PRKACB: variants seen among roughly 807,000 people sequenced by gnomAD.
PRKACB encodes the protein cAMP-dependent protein kinase catalytic subunit beta.
Under a neutral mutation model 51.4 loss-of-function variants are expected in PRKACB, and 16 were observed. The observed-to-expected ratio is 0.31, with a 90% CI of 0.21 to 0.47. The LOEUF (loss-of-function observed/expected upper bound fraction) is 0.47, where lower values mean the gene tolerates loss of function less well. PRKACB is among the 20% of genes least tolerant of loss of function. PRKACB has a pLI of 1.00. For missense variants in PRKACB, 309 were observed against 464.5 expected (o/e 0.67, Z 3.08); for synonymous variants, 147 against 154.4 (o/e 0.95, Z 0.35).
chr1:84,211,755 C>A (rs907471025), intron 8 of PRKACB, among the ~76,000 whole-genome samples: 2 of 152,100 alleles, frequency 1.3e-5, no homozygotes, highest in Non-Finnish European at 2.9e-5. Flanking sequence ...TTCACCCCTA[C>A]CTATGAAATT....
At chr1:84,078,115 G>T, upstream of PRKACB, 1 of 469,990 alleles carries the variant, frequency 2.1e-6, no homozygotes, top group Non-Finnish European at 3.5e-6. Flanking sequence ...CGCCGCCGCC[G>T]CCGCCGCTGC....
intron 5 of PRKACB, among the ~76,000 whole-genome samples, chr1:84,195,905 T>C (rs887409942): frequency 1.8e-4 from 12 of 67,716 alleles, no homozygotes; most frequent in African/African-American, 5.3e-4. Context: ...AGAGCAAGAC[T>C]GTGTCTCAAA....
chr1:84,164,007 T>C (rs1399200630), intron 1 of PRKACB, among the ~76,000 whole-genome samples: 1 of 152,066 alleles, frequency 6.6e-6, no homozygotes, highest in South Asian at 2.1e-4. Flanking sequence ...GAATTTTACA[T>C]TTCTGCAATA....
At chr1:84,217,044 G>A (rs1463899008) in intron 9 of PRKACB, among the ~76,000 whole-genome samples, 1 of 152,184 alleles carries the variant, frequency 6.6e-6, no homozygotes, top group East Asian at 1.9e-4. Context: ...ACATTGATCT[G>A]AATCCCTGAT....
chr1:84,111,923 A>G (rs1185097454), intron 1 of PRKACB, among the ~76,000 whole-genome samples: 1 of 152,278 alleles, frequency 6.6e-6, no homozygotes, highest in African/African-American at 2.4e-5. Context: ...TATTTCTAAT[A>G]TAAGATTGGG....
intron 1 of PRKACB, among the ~76,000 whole-genome samples, chr1:84,116,801 CT>C (rs1316075984): frequency 1.3e-5 from 2 of 152,134 alleles, no homozygotes; most frequent in East Asian, 3.8e-4. Flanking sequence ...ATTTCGATGC[CT>C]TTTATTTCTT....
At chr1:84,229,179 G>C (rs1323212627) in intron 9 of PRKACB, among the ~76,000 whole-genome samples, 93 of 141,186 alleles carry the variant, frequency 6.6e-4, no homozygotes, top group African/African-American at 2.2e-3. Flanking sequence ...AGAATATGCA[G>C]TGTTTGGTTT....
chr1:84,143,649 G>A (rs1243851719), upstream of PRKACB, among the ~76,000 whole-genome samples: 1 of 152,076 alleles, frequency 6.6e-6, no homozygotes, highest in Non-Finnish European at 1.5e-5. Context: ...ATTTTAGAAT[G>A]TTTTAAAATG....
chr1:84,137,932 A>G (rs560793516), intron 1 of PRKACB, among the ~76,000 whole-genome samples: 2 of 152,194 alleles, frequency 1.3e-5, no homozygotes, highest in African/African-American at 2.4e-5. Context: ...TGCTTTGCTT[A>G]TAGACACAGT....
At chr1:84,146,742 A>G (rs999302021) in intron 1 of PRKACB, among the ~76,000 whole-genome samples, 7 of 152,016 alleles carry the variant, frequency 4.6e-5, no homozygotes, top group Non-Finnish European at 4.4e-5. Context: ...TCAGTTACCA[A>G]TTTAGGAGAC....
intron 5 of PRKACB, among the ~76,000 whole-genome samples, chr1:84,190,080 G>T (rs1666298315): frequency 6.6e-6 from 1 of 151,236 alleles, no homozygotes; most frequent in African/African-American, 2.4e-5. Context: ...TTTTACTTTA[G>T]GAAAAATATT....
In PRKACB at chr1:84,235,414, C is replaced by A. The variant is rs1238908695; in HGVS notation, c.*109C>A. ...AAGCAGTTACCTAGTTCCTTCATTCCAACGACTGAGTGAGGTCTTTATTGC... is the reference window on the plus strand; with the variant it reads ...AAGCAGTTACCTAGTTCCTTCATTCAAACGACTGAGTGAGGTCTTTATTGC... On this transcript the variant is annotated 3_prime_UTR_variant, in exon 10 of 10. Coordinates refer to ENST00000370685, the MANE Select transcript of PRKACB (RefSeq NM_182948.4). 4 of 1,434,354 alleles carry A rather than the reference C, an allele frequency of 2.8e-6. No individual in the cohort carries two copies. The highest frequency in any genetic ancestry group is 3.8e-6 in the Non-Finnish European group (4 of 1,043,786). The allele number at this position is 1,434,354 out of a possible 1,614,324, so 88.9% of individuals were successfully genotyped here.
At chr1:84,081,246 A>G (rs926086933) in intron 1 of PRKACB, among the ~76,000 whole-genome samples, 2 of 152,170 alleles carry the variant, frequency 1.3e-5, no homozygotes, top group African/African-American at 2.4e-5. Context: ...AACTTTAACT[A>G]TCTGGTGCCT....
At position 84,235,954 on chromosome 1, in the gene PRKACB, G is replaced by C. The variant is rs1047514793; in HGVS notation, c.*649G>C. 6.6e-6 allele frequency: 1 copy of C among 152,614 alleles called. No homozygotes were observed. The highest frequency in any genetic ancestry group is 2.4e-5 in the African/African-American group (1 of 41,436). 9.5% of individuals were successfully genotyped at this position (152,614 alleles called of 1,614,324 possible). A position where few individuals can be genotyped will look rare whatever the true frequency, so the allele number is the denominator to read the frequency against. On this transcript the variant is annotated 3_prime_UTR_variant, in exon 10 of 10. Coordinates refer to ENST00000370685, the MANE Select transcript of PRKACB (RefSeq NM_182948.4). ...GGAAGGCTGTAGATCAGAGGTTCTA[G>C]TTCCCTTTCCCTCCTTTTATATCCT...
intron 1 of PRKACB, among the ~76,000 whole-genome samples, chr1:84,167,661 AC>A: frequency 6.6e-6 from 1 of 151,726 alleles, no homozygotes; most frequent in East Asian, 1.9e-4. Flanking sequence ...AGTACCCCAA[AC>A]ACAGCAAGGT....
intron 9 of PRKACB, among the ~76,000 whole-genome samples, chr1:84,234,508 C>A (rs1372863843): frequency 6.6e-6 from 1 of 152,248 alleles, no homozygotes; most frequent in African/African-American, 2.4e-5. Context: ...CGCCCCTCCC[C>A]CAGCCTCACT....
At chr1:84,158,483 AT>A (rs1256523629) in intron 1 of PRKACB, among the ~76,000 whole-genome samples, 1 of 152,106 alleles carries the variant, frequency 6.6e-6, no homozygotes, top group Non-Finnish European at 1.5e-5. Context: ...GGAGAAATGT[AT>A]TTTCAAATCT....
intron 5 of PRKACB, among the ~76,000 whole-genome samples, chr1:84,192,414 G>A (rs1460581623): frequency 6.6e-6 from 1 of 151,906 alleles, no homozygotes; most frequent in Non-Finnish European, 1.5e-5. Flanking sequence ...TATAGGGACA[G>A]TGTCCTTTAC....
chr1:84,095,584 G>C (rs1238636347), intron 1 of PRKACB, among the ~76,000 whole-genome samples: 5 of 151,422 alleles, frequency 3.3e-5, no homozygotes, highest in Non-Finnish European at 7.4e-5. Context: ...TTTGCCTTTG[G>C]TTTTCAGCAG....
Sources: gnomAD v4.1 joint callset for allele counts (sites outside exome capture counted in the v4.1 genomes callset) on GRCh38, gnomAD v4.1.1 for gene constraint, MANE v1.5 for transcripts, NCBI Gene and HGNC (gene_info 2026-07-23, HGNC 2026-07-21) for gene names.